Variants in HAT1 observed in about 807,000 individuals in gnomAD.
HAT1 encodes the protein histone acetyltransferase 1.
Under a neutral mutation model 56.6 loss-of-function variants are expected in HAT1, and 20 were observed. The observed-to-expected ratio is 0.35, with a 90% confidence interval of 0.25 to 0.51. The LOEUF is 0.51. Ranked by LOEUF, HAT1 falls within the 20% of genes least tolerant of loss-of-function variation. The pLI, the probability that HAT1 is intolerant of heterozygous loss-of-function variation, is 0.95. For missense variants in HAT1, 408 were observed against 504.3 expected (o/e 0.81, Z 1.83); for synonymous variants, 146 against 165.5 (o/e 0.88, Z 0.91).
At chr2:171,933,967 G>A (rs1397599717) in intron 2 of HAT1, among the ~76,000 whole-genome samples, 2 of 152,128 alleles carry the variant, frequency 1.3e-5, no homozygotes, top group Non-Finnish European at 2.9e-5. Context: ...ACAATTGAGA[G>A]AACTGTCAAA....
Position 171,926,951 on chromosome 2 carries a change from G to A in HAT1, c.112+1310G>A, listed in dbSNP as rs1574031013. 5.9e-5 allele frequency among the ~76,000 whole-genome samples: 9 copies of A among 152,284 alleles called. No individual in the cohort carries two copies. The South Asian group carries it at 1.9e-3, about 32-fold the overall frequency. On this transcript the variant is annotated intron_variant, in intron 2 of 10. Transcript: ENST00000264108. Reference sequence around the variant, plus strand: ...TAAAGTATAGTATAGCTATACCACGGAATACTATTTGACAATAAGAAGGAA... The same window carrying A: ...TAAAGTATAGTATAGCTATACCACGAAATACTATTTGACAATAAGAAGGAA...
At chr2:171,953,611 CAAGACCCTGTCTCTTAAAAAAAAAAA>C in intron 4 of HAT1, among the ~76,000 whole-genome samples, 1 of 92,984 alleles carries the variant, frequency 1.1e-5, no homozygotes, top group Admixed American at 1.5e-4. Flanking sequence ...GGCAACAGAA[CAAGACCCTGTCTCTTAAAAAAAAAAA>C]AAAAAAAAAA....
At position 171,942,114 on chromosome 2, in the gene HAT1, A is replaced by G. The variant is rs548437997; in HGVS notation, c.113-4594A>G. 1.5e-4 allele frequency among the ~76,000 whole-genome samples: 23 copies of G among 152,312 alleles called. No individual in the cohort carries two copies. The South Asian group carries it at 2.1e-3, about 14-fold the overall frequency. On this transcript the variant is annotated intron_variant, in intron 2 of 10. Transcript: ENST00000264108. ...GAGACGGGGCTTCACCATGTTGGCC[A>G]GGCTGGTCTTGAACTCCTGACCTCA...
In HAT1 at chr2:171,983,589, C is replaced by T. The variant is rs1688188108; in HGVS notation, c.*237C>T. 3.1e-6 allele frequency: 1 copy of T among 318,488 alleles called. No individual in the cohort carries two copies. The highest frequency in any genetic ancestry group is 5.7e-6 in the Non-Finnish European group (1 of 175,276). 19.7% of individuals were successfully genotyped at this position (318,488 alleles called of 1,614,324 possible). ...TCTGAAATACTACTGCAATTGCTTCCCTTCTTAAACAGTATAATAAATGCT... is the reference window on the plus strand; with the variant it reads ...TCTGAAATACTACTGCAATTGCTTCTCTTCTTAAACAGTATAATAAATGCT... On this transcript the variant is annotated 3_prime_UTR_variant, in exon 11 of 11. Coordinates refer to ENST00000264108, the MANE Select transcript of HAT1 (RefSeq NM_003642.4).
At chr2:171,966,143 C>T in intron 6 of HAT1, 1 of 593,486 alleles carries the variant, frequency 1.7e-6, no homozygotes, top group Non-Finnish European at 3.0e-6. Context: ...GTAAAATGAG[C>T]TTTGCCTGTG....
At chr2:171,939,090 C>T (rs1202640970) in intron 2 of HAT1, among the ~76,000 whole-genome samples, 1 of 152,086 alleles carries the variant, frequency 6.6e-6, no homozygotes, top group Admixed American at 6.6e-5. Context: ...AGCAGTTGAC[C>T]CTATTCCAGC....
rs1350501892 is a variant in HAT1 at position 171,946,755 on chromosome 2, G to T, written c.160G>T (p.Glu54Ter). ...LENDIRTFFP[E>*]YTHQLFGDDE... ...AAATGACATTAGAACTTTCTTTCCTGAGTATACCCATCAACTCTTTGGGGA... is the reference window on the plus strand; with the variant it reads ...AAATGACATTAGAACTTTCTTTCCTTAGTATACCCATCAACTCTTTGGGGA... The change falls in exon 3 of 11, where the codon GAG becomes TAG. Residue 54 changes from glutamate to a stop codon, truncating the protein, a stop_gained. Transcript: ENST00000264108. LOFTEE classifies it high-confidence loss of function. The T allele has an allele frequency of 6.4e-7, 1 of 1,572,562 alleles. No individual in the cohort carries two copies.
chr2:171,944,740 G>A (rs1376092585), intron 2 of HAT1, among the ~76,000 whole-genome samples: 4 of 152,146 alleles, frequency 2.6e-5, no homozygotes, highest in Non-Finnish European at 4.4e-5. Flanking sequence ...TTGGAAAGGA[G>A]GTGACTACCA....
intron 2 of HAT1, among the ~76,000 whole-genome samples, chr2:171,945,081 G>T (rs1329413739): frequency 6.6e-6 from 1 of 152,086 alleles, no homozygotes; most frequent in Non-Finnish European, 1.5e-5. Flanking sequence ...ATATTGGTTA[G>T]GCTGGTCTTG....
At chr2:171,925,870 G>A (rs944359296) in intron 2 of HAT1, among the ~76,000 whole-genome samples, 3 of 151,966 alleles carry the variant, frequency 2.0e-5, no homozygotes, top group African/African-American at 7.3e-5. Context: ...AGACGGTGGG[G>A]CAAAAAGTAA....
intron 4 of HAT1, among the ~76,000 whole-genome samples, chr2:171,962,846 A>G (rs956825803): frequency 2.6e-4 from 39 of 152,336 alleles, no homozygotes; most frequent in African/African-American, 9.4e-4. Context: ...CTTCAGAAAT[A>G]GATTCTAAAC....
chr2:171,925,607 A>G lies in HAT1; in HGVS notation c.78A>G (p.Lys26=), dbSNP rs540462647. 25 of 1,564,890 alleles carry G rather than the reference A, an allele frequency of 1.6e-5. No homozygotes were observed. In the South Asian group the frequency reaches 2.7e-4, roughly 17 times the overall value. ...SAVEKKLAEY[K]CNTNTAIELK... ...TGGAGAAGAAACTGGCAGAGTACAAATGTAACACCAACACAGCAATTGAAC... is the reference window on the plus strand; with the variant it reads ...TGGAGAAGAAACTGGCAGAGTACAAGTGTAACACCAACACAGCAATTGAAC... Residue 26 remains lysine, a synonymous_variant, in exon 2 of 11, where the codon AAA becomes AAG. Coordinates refer to ENST00000264108, the MANE Select transcript of HAT1 (RefSeq NM_003642.4).
Position 171,965,648 on chromosome 2 carries a change from T to G in HAT1, c.489+131T>G, listed in dbSNP as rs1687666788. ...TCAGCATTATAAACCAAGATCTATTTTGTGTGTATGTCTGTATCTATGTTC... is the reference window on the plus strand; with the variant it reads ...TCAGCATTATAAACCAAGATCTATTGTGTGTGTATGTCTGTATCTATGTTC... On this transcript the variant is annotated intron_variant, in intron 5 of 10. Transcript: ENST00000264108. The G allele has an allele frequency of 3.1e-6, 3 of 974,466 alleles. No individual in the cohort carries two copies. The South Asian group carries it at 4.8e-5, about 15-fold the overall frequency. 60.4% of individuals were successfully genotyped at this position (974,466 alleles called of 1,614,324 possible). A position where few individuals can be genotyped will look rare whatever the true frequency, so the allele number is the denominator to read the frequency against.
At chr2:171,928,653 C>T (rs62182436) in intron 2 of HAT1, among the ~76,000 whole-genome samples, 63,673 of 151,922 alleles carry the variant, frequency 0.42, 15,191 homozygotes, top group Middle Eastern at 0.57. Flanking sequence ...GGATTACAGG[C>T]GCCTGCCACC....
At chr2:171,953,308 T>C (rs1215782044) in intron 4 of HAT1, among the ~76,000 whole-genome samples, 2 of 151,972 alleles carry the variant, frequency 1.3e-5, no homozygotes, top group Non-Finnish European at 2.9e-5. Flanking sequence ...ATCATGCCAC[T>C]GTACTACAGC....
At chr2:171,958,500 C>G (rs1346706921) in intron 4 of HAT1, among the ~76,000 whole-genome samples, 2 of 151,910 alleles carry the variant, frequency 1.3e-5, no homozygotes, top group Non-Finnish European at 2.9e-5. Context: ...AGTGCCCAGA[C>G]TGGCCTCAAA....
Position 171,946,882 on chromosome 2 carries a change from T to C in HAT1, c.188+99T>C, listed in dbSNP as rs1687180383. On this transcript the variant is annotated intron_variant, in intron 3 of 10. Coordinates refer to ENST00000264108, the MANE Select transcript of HAT1 (RefSeq NM_003642.4). ...GAAATCAAATTTTATTTTCTTCTTATTTTTAATGTGGTTTATCTTAAAATA... is the reference window on the plus strand; with the variant it reads ...GAAATCAAATTTTATTTTCTTCTTACTTTTAATGTGGTTTATCTTAAAATA... 3 of 631,760 alleles carry C rather than the reference T, an allele frequency of 4.7e-6. No individual in the cohort carries two copies. In the Admixed American group the frequency reaches 9.3e-5, roughly 20 times the overall value. 39.1% of individuals were successfully genotyped at this position (631,760 alleles called of 1,614,324 possible). A position where few individuals can be genotyped will look rare whatever the true frequency, so the allele number is the denominator to read the frequency against.
intron 2 of HAT1, among the ~76,000 whole-genome samples, chr2:171,936,595 T>C (rs907690673): frequency 2.6e-5 from 4 of 152,130 alleles, no homozygotes; most frequent in Non-Finnish European, 5.9e-5. Context: ...GGACTGCTGT[T>C]AATGGGAATA....
chr2:171,949,602 A>G (rs1015803837), intron 3 of HAT1, among the ~76,000 whole-genome samples: 4 of 150,944 alleles, frequency 2.6e-5, no homozygotes, highest in African/African-American at 7.3e-5. Context: ...TGAACCTGGG[A>G]GGCAGAGGTT....
Sources: gnomAD v4.1 joint callset for allele counts (sites outside exome capture counted in the v4.1 genomes callset) on GRCh38, gnomAD v4.1.1 for gene constraint, MANE v1.5 for transcripts, NCBI Gene and HGNC (gene_info 2026-07-23, HGNC 2026-07-21) for gene names.